The following BBOX1 variants were observed in gnomAD, a reference collection of about 807,000 sequenced individuals.
BBOX1 encodes gamma-butyrobetaine hydroxylase 1.
Under a neutral mutation model 41.6 loss-of-function variants are expected in BBOX1, and 35 were observed. The observed-to-expected ratio is 0.84, with a 90% CI of 0.64 to 1.11. The LOEUF (loss-of-function observed/expected upper bound fraction) is 1.11, where lower values mean the gene tolerates loss of function less well. Among genes scored for constraint, BBOX1 ranks in the 50% most tolerant of loss-of-function variants. The pLI is 0.00. For missense variants in BBOX1, 458 were observed against 460.6 expected (o/e 0.99, Z 0.05); for synonymous variants, 163 against 154.7 (o/e 1.05, Z -0.40).
intron 2 of BBOX1, among the ~76,000 whole-genome samples, chr11:27,046,918 A>ATGTTTTT (rs10684089): frequency 2.0e-5 from 3 of 148,516 alleles, no homozygotes; most frequent in Non-Finnish European, 1.5e-5. Flanking sequence ...ATGATCTGCA[A>ATGTTTTT]TTTTTTTTTT....
At chr11:27,067,136 A>G (rs189452595) in intron 4 of BBOX1, among the ~76,000 whole-genome samples, 15 of 152,334 alleles carry the variant, frequency 9.8e-5, no homozygotes, top group East Asian at 1.9e-4. Context: ...ATTTTTTTCA[A>G]AAGATTTCCT....
chr11:27,100,724 T>A (rs1858617095), intron 5 of BBOX1, among the ~76,000 whole-genome samples: 1 of 152,092 alleles, frequency 6.6e-6, no homozygotes, highest in African/African-American at 2.4e-5. Flanking sequence ...CACTTGAGTA[T>A]GAAGTCATCT....
chr11:27,068,713 A>G (rs1857360497), intron 4 of BBOX1, among the ~76,000 whole-genome samples: 2 of 152,054 alleles, frequency 1.3e-5, no homozygotes, highest in South Asian at 2.1e-4. Flanking sequence ...CAGATCTTCA[A>G]TTTAAGTCTT....
chr11:27,066,753 T>G (rs1473773488), intron 4 of BBOX1: 1 of 152,160 alleles, frequency 6.6e-6, no homozygotes, highest in Non-Finnish European at 1.5e-5. Flanking sequence ...TTTGCCAATT[T>G]TAAGAATTTG....
intron 5 of BBOX1, among the ~76,000 whole-genome samples, chr11:27,111,939 T>C (rs1859082002): frequency 6.6e-6 from 1 of 151,748 alleles, no homozygotes; most frequent in African/African-American, 2.4e-5. Context: ...GATATAGCCA[T>C]TGAACATGAA....
chr11:27,103,293 G>C (rs1439389546), intron 5 of BBOX1, among the ~76,000 whole-genome samples: 2 of 152,140 alleles, frequency 1.3e-5, no homozygotes, highest in African/African-American at 2.4e-5. Context: ...TTCTGGGACA[G>C]ATTTTTCTGG....
At chr11:27,104,032 G>GT (rs1424615705) in intron 5 of BBOX1, among the ~76,000 whole-genome samples, 1 of 151,992 alleles carries the variant, frequency 6.6e-6, no homozygotes, top group Non-Finnish European at 1.5e-5. Context: ...TCAGGACCTT[G>GT]TTTTTTTCTT....
chr11:27,126,978 A>C (rs1383167729), intron 8 of BBOX1, among the ~76,000 whole-genome samples: 1 of 152,202 alleles, frequency 6.6e-6, no homozygotes, highest in Non-Finnish European at 1.5e-5. Flanking sequence ...CCGGCAGAAG[A>C]AACATTTCTA....
rs1856955156 is a variant in BBOX1 at position 27,055,653 on chromosome 11, A to G, written c.219+4A>G. On this transcript the variant is annotated splice_donor_region_variant and intron_variant, in intron 3 of 8. Transcript: ENST00000263182. ...CTTGATATTTGACAGAAAAAAGGTA[A>G]TTATCTCTAAATTATGTCTCCCTTC... 6.2e-7 allele frequency: 1 copy of G among 1,603,974 alleles called. No homozygotes were observed. The highest frequency in any genetic ancestry group is 8.5e-7 in the Non-Finnish European group (1 of 1,171,324).
intron 4 of BBOX1, among the ~76,000 whole-genome samples, chr11:27,071,435 G>C (rs748942014): frequency 6.6e-6 from 1 of 151,590 alleles, no homozygotes; most frequent in Non-Finnish European, 1.5e-5. Context: ...GGGCTTGTAA[G>C]GTGATATTGT....
In BBOX1 at chr11:27,041,428, T is replaced by C. The variant is rs11029796; in HGVS notation, c.-89T>C. 0.12 allele frequency: 18,068 copies of C among 152,150 alleles called. 1,570 individuals are homozygous for C. The highest frequency in any genetic ancestry group is 0.24 in the African/African-American group (9,889 of 41,488). The allele number at this position is 152,150 out of a possible 1,614,324, so 9.4% of individuals were successfully genotyped here. ...TCCTGGGATGTGACGGGCACCAGAA[T>C]GCTCCCTCTCCAAAGGATCTAAGGA... is the stretch of plus-strand genomic sequence containing the variant. On this transcript the variant is annotated 5_prime_UTR_variant, in exon 2 of 9. The change abolishes an upstream ATG in the 5' untranslated region. Transcript: ENST00000263182.
chr11:27,116,280 A>G (rs1859256037), intron 6 of BBOX1, among the ~76,000 whole-genome samples: 1 of 151,498 alleles, frequency 6.6e-6, no homozygotes, highest in Admixed American at 6.6e-5. Context: ...ATGAGAACAC[A>G]TGGACACAGA....
intron 5 of BBOX1, among the ~76,000 whole-genome samples, chr11:27,114,035 A>G (rs1019542205): frequency 6.6e-6 from 1 of 151,930 alleles, no homozygotes; most frequent in Non-Finnish European, 1.5e-5. Context: ...AAGCTACTAA[A>G]GCTAATGAAT....
intron 5 of BBOX1, among the ~76,000 whole-genome samples, chr11:27,104,952 G>A (rs1352067518): frequency 2.0e-5 from 3 of 152,212 alleles, no homozygotes; most frequent in African/African-American, 7.2e-5. Flanking sequence ...CTGTTCTGCA[G>A]CCTCTGCTGC....
chr11:27,053,583 G>T (rs985680170), intron 2 of BBOX1, among the ~76,000 whole-genome samples: 1 of 152,032 alleles, frequency 6.6e-6, no homozygotes, highest in Non-Finnish European at 1.5e-5. Flanking sequence ...GTTATTTAAG[G>T]ATCTAGTTGT....
chr11:27,072,966 A>G (rs957738509), intron 4 of BBOX1, among the ~76,000 whole-genome samples: 2 of 152,220 alleles, frequency 1.3e-5, no homozygotes, highest in African/African-American at 4.8e-5. Context: ...AAACCCTAGA[A>G]GAAAACCTAG....
chr11:27,056,781 A>G (rs1273172500), intron 3 of BBOX1, among the ~76,000 whole-genome samples: 1 of 151,894 alleles, frequency 6.6e-6, no homozygotes, highest in East Asian at 2.0e-4. Context: ...CTTAAAAATT[A>G]AGCTGGCCAG....
At chr11:27,070,645 G>C (rs1857414826) in intron 4 of BBOX1, among the ~76,000 whole-genome samples, 2 of 149,062 alleles carry the variant, frequency 1.3e-5, no homozygotes, top group African/African-American at 2.5e-5. Flanking sequence ...CCTTGAATTT[G>C]TATGAATCCT....
intron 5 of BBOX1, among the ~76,000 whole-genome samples, chr11:27,098,470 G>A (rs1159172832): frequency 3.3e-5 from 5 of 152,068 alleles, no homozygotes; most frequent in Admixed American, 3.3e-4. Flanking sequence ...TCTACTTTTT[G>A]TTGCAGATTC....
Sources: gnomAD v4.1 joint callset for allele counts (sites outside exome capture counted in the v4.1 genomes callset) on GRCh38, gnomAD v4.1.1 for gene constraint, MANE v1.5 for transcripts, NCBI Gene and HGNC (gene_info 2026-07-23, HGNC 2026-07-21) for gene names.